The following AFTPH variants were observed in gnomAD, a reference collection of about 807,000 sequenced individuals.
AFTPH encodes aftiphilin protein.
A neutral mutation model predicts 72.5 loss-of-function variants in AFTPH; 7 were observed. The observed-to-expected ratio is 0.10, with a 90% CI of 0.05 to 0.18. The LOEUF is 0.18. Ranked by LOEUF, AFTPH falls within the 10% of genes least tolerant of loss-of-function variation. AFTPH has a pLI of 1.00. For missense variants in AFTPH, 979 were observed against 1,060.5 expected (o/e 0.92, Z 1.07); for synonymous variants, 337 against 370.1 (o/e 0.91, Z 1.03).
At position 64,584,687 on chromosome 2, in the gene AFTPH, T is replaced by C. The variant is rs571048825; in HGVS notation, c.2456-735T>C. 4.0e-4 allele frequency among the ~76,000 whole-genome samples: 61 copies of C among 150,828 alleles called. 1 individual carries two copies. In the South Asian group the frequency reaches 6.1e-3, roughly 15 times the overall value. ...TCTCGGCTCACTGCAAGCTCCGCCTTCCGGGTTCATGCCATTCTCCTGCCC... is the reference window on the plus strand; with the variant it reads ...TCTCGGCTCACTGCAAGCTCCGCCTCCCGGGTTCATGCCATTCTCCTGCCC... On this transcript the variant is annotated intron_variant, in intron 7 of 8. Coordinates refer to ENST00000238856, the Ensembl canonical transcript of AFTPH.
In AFTPH at chr2:64,568,734, C is replaced by T. The variant is rs141649471; in HGVS notation, c.2088-358C>T. 2.1e-3 allele frequency among the ~76,000 whole-genome samples: 318 copies of T among 152,276 alleles called. 4 individuals carry two copies. The highest frequency in any genetic ancestry group is 6.9e-3 in the African/African-American group (288 of 41,558). Reference sequence around the variant, plus strand: ...AAGCAGTTCTCCTGCCTCAGCCTCCCGAGTAGCTGGGATTACAGGCACCCA... The same window carrying T: ...AAGCAGTTCTCCTGCCTCAGCCTCCTGAGTAGCTGGGATTACAGGCACCCA... On this transcript the variant is annotated intron_variant, in intron 3 of 8. Transcript: ENST00000238856.
intron 3 of AFTPH, 38 bp downstream of exon 3, chr2:64,567,751 G>A (rs773780331): frequency 4.4e-6 from 7 of 1,574,550 alleles, no homozygotes; most frequent in Non-Finnish European, 6.0e-6. Context: ...ATGTGTTTTT[G>A]TTATTTTTAG....
chr2:64,573,157 G>A (rs939355780), intron 6 of AFTPH, 89 bp downstream of exon 6: 2 of 984,104 alleles, frequency 2.0e-6, no homozygotes, highest in Non-Finnish European at 3.0e-6. Flanking sequence ...ATTTATGACT[G>A]TTTTAAAAAT....
intron 1 of AFTPH, among the ~76,000 whole-genome samples, chr2:64,535,963 A>C (rs1177420364): frequency 6.6e-6 from 1 of 152,192 alleles, no homozygotes; most frequent in Non-Finnish European, 1.5e-5. Context: ...ATACAGTAAG[A>C]GATATTAAGG....
At chr2:64,555,263 C>T (rs1447601311) in intron 2 of AFTPH, among the ~76,000 whole-genome samples, 1 of 151,914 alleles carries the variant, frequency 6.6e-6, no homozygotes, top group Admixed American at 6.6e-5. Flanking sequence ...GGGCAAGATG[C>T]ATTAAGAGTT....
exon 3 of AFTPH, chr2:64,567,571 T>G: frequency 6.2e-7 from 1 of 1,605,954 alleles, no homozygotes; most frequent in Non-Finnish European, 8.5e-7. Flanking sequence ...GACAGCTTTA[T>G]TAAACCGCCT....
chr2:64,591,906 G>T lies in AFTPH; in HGVS notation c.2601G>T (p.Glu867Asp), dbSNP rs1373481149. 6.2e-7 allele frequency: 1 copy of T among 1,613,864 alleles called. No individual in the cohort carries two copies. The highest frequency in any genetic ancestry group is 1.7e-5 in the Admixed American group (1 of 60,000). Residue 867 changes from glutamate (E) to aspartate (D), a missense_variant, in exon 9 of 9, where the codon GAG becomes GAT. Glu to Asp is a conservative substitution (Grantham distance 45). Around this residue, in one of 3 missense-constraint regions of AFTPH, gnomAD observed 438 missense variants for 530.0 expected, o/e 0.83. Coordinates refer to ENST00000238856, the Ensembl canonical transcript of AFTPH. ...TCAGTAGGAAACCGAAAAGAGAAGAGCACCTAAGTGAAGAAGCTATCAAGG... is the reference window on the plus strand; with the variant it reads ...TCAGTAGGAAACCGAAAAGAGAAGATCACCTAAGTGAAGAAGCTATCAAGG...
At chr2:64,541,763 A>G (rs1011852970) in intron 1 of AFTPH, among the ~76,000 whole-genome samples, 5 of 152,194 alleles carry the variant, frequency 3.3e-5, no homozygotes, top group Non-Finnish European at 7.4e-5. Flanking sequence ...TGACATTTTC[A>G]TTCATTTTTC....
intron 5 of AFTPH, among the ~76,000 whole-genome samples, chr2:64,572,168 T>C (rs943451613): frequency 1.4e-5 from 2 of 146,616 alleles, no homozygotes; most frequent in African/African-American, 5.1e-5. Flanking sequence ...TGCAGTGAGC[T>C]GAGATCACAC....
exon 9 of AFTPH, chr2:64,592,042 T>G: frequency 6.2e-7 from 1 of 1,612,000 alleles, no homozygotes; most frequent in Non-Finnish European, 8.5e-7. Context: ...ATAACTGATG[T>G]GAATTGGACA....
At chr2:64,572,218 C>CT (rs1444655192) in intron 5 of AFTPH, among the ~76,000 whole-genome samples, 1 of 105,088 alleles carries the variant, frequency 9.5e-6, no homozygotes, top group Admixed American at 9.1e-5. Flanking sequence ...AAAACTCTGT[C>CT]TCAAAAAAAA....
chr2:64,592,115 TAA>T (rs35699964), exon 9 of AFTPH: 11,823 of 833,478 alleles, frequency 0.014, no homozygotes, highest in Admixed American at 0.017. Context: ...CTGCTCTAAT[TAA>T]AAAAAAAAAA....
chr2:64,548,420 A>AC (rs1670801100), intron 1 of AFTPH, among the ~76,000 whole-genome samples: 1 of 149,576 alleles, frequency 6.7e-6, no homozygotes, highest in Non-Finnish European at 1.5e-5. Context: ...AAAAAAAAAA[A>AC]AAAAAAAAAA....
At chr2:64,525,057 G>C (rs1669171415) in intron 1 of AFTPH, among the ~76,000 whole-genome samples, 1 of 152,218 alleles carries the variant, frequency 6.6e-6, no homozygotes. Flanking sequence ...CGAGGCCCGA[G>C]GCTGGCCGCG....
At chr2:64,592,048 G>A (rs1392690473) in exon 9 of AFTPH, 1 of 1,607,758 alleles carries the variant, frequency 6.2e-7, no homozygotes, top group South Asian at 1.1e-5. Flanking sequence ...GATGTGAATT[G>A]GACAGTTTCT....
intron 2 of AFTPH, among the ~76,000 whole-genome samples, chr2:64,559,130 A>G (rs903913699): frequency 6.6e-6 from 1 of 152,224 alleles, no homozygotes; most frequent in African/African-American, 2.4e-5. Context: ...CATAAGAACC[A>G]GAGTCTGGGG....
intron 8 of AFTPH, 146 bp from the exon 10 acceptor site, chr2:64,591,742 G>A: frequency 1.2e-6 from 1 of 802,028 alleles, no homozygotes. Flanking sequence ...CTGCACAAAA[G>A]TATTACAAGA....
chr2:64,572,615 A>T lies in AFTPH; in HGVS notation c.2272-331A>T, dbSNP rs535513314. Reference sequence around the variant, plus strand: ...TTTAAAACCTCTGATTTAAAATACAAAGTCTTGCTTTAAAAACTTTTGATT... The same window carrying T: ...TTTAAAACCTCTGATTTAAAATACATAGTCTTGCTTTAAAAACTTTTGATT... On this transcript the variant is annotated intron_variant, in intron 5 of 8. Transcript: ENST00000238856. Among the ~76,000 whole-genome samples the T allele has an allele frequency of 7.9e-5, 12 of 152,302 alleles. 1 individual carries two copies. The South Asian group carries it at 2.3e-3, about 29-fold the overall frequency.
At chr2:64,550,052 A>G (rs895362688) in intron 1 of AFTPH, among the ~76,000 whole-genome samples, 1 of 152,210 alleles carries the variant, frequency 6.6e-6, no homozygotes, top group African/African-American at 2.4e-5. Flanking sequence ...ATGACGCAGC[A>G]TTCACACTCC....
Sources: allele counts gnomAD v4.1 joint callset (sites outside exome capture counted in the v4.1 genomes callset), GRCh38; gene constraint gnomAD v4.1.1; regional missense constraint gnomAD v4.1.1; transcripts MANE v1.5; gene names NCBI Gene and HGNC (gene_info 2026-07-23, HGNC 2026-07-21).